Variants in NCF2 observed in about 807,000 individuals in gnomAD.
NCF2 encodes neutrophil cytosol factor 2.
In NCF2, 45 loss-of-function variants were observed where a neutral mutation model predicts 70.9. The observed-to-expected ratio is 0.63, with a 90% CI of 0.50 to 0.81. The LOEUF is 0.81. NCF2 is among the 40% of genes least tolerant of loss of function. NCF2 has a pLI of 0.00. For missense variants in NCF2, 522 were observed against 631.6 expected, an observed-to-expected ratio of 0.83 and a Z score of 1.86; for synonymous variants, 203 against 233.6, an observed-to-expected ratio of 0.87 and a Z score of 1.19.
chr1:183,569,282 G>T, intron 6 of NCF2, 97 bp from the exon 7 acceptor site: 1 of 1,150,344 alleles, frequency 8.7e-7, no homozygotes, highest in Non-Finnish European at 1.3e-6. Flanking sequence ...CATTCTTCCA[G>T]ACCAGAAAAT....
At chr1:183,572,801 T>G (rs1371388994) in intron 5 of NCF2, among the ~76,000 whole-genome samples, 1 of 152,020 alleles carries the variant, frequency 6.6e-6, no homozygotes, top group African/African-American at 2.4e-5. Context: ...TGGCCTCAAG[T>G]GATCCTCCCA....
intron 14 of NCF2, among the ~76,000 whole-genome samples, chr1:183,558,955 G>A (rs1251989270): frequency 6.6e-6 from 1 of 152,212 alleles, no homozygotes; most frequent in African/African-American, 2.4e-5. Context: ...TGCATTGGTA[G>A]TGCACAGACT....
In NCF2 at chr1:183,556,098, T is replaced by G; in HGVS notation, c.*20A>C. ...GTAATAGGGCTTCATTTTCTTCAGC[T>G]TTGTAGTTTGTGAAACATCCTAGAC... On this transcript the variant is annotated 3_prime_UTR_variant, in exon 15 of 15. Transcript: ENST00000367535. The G allele has an allele frequency of 1.3e-6, 2 of 1,594,100 alleles. No homozygotes were observed.
At chr1:183,597,135 A>G in the NCF2 span, among the ~76,000 whole-genome samples, 1 of 152,220 alleles carries the variant, frequency 6.6e-6, no homozygotes, top group South Asian at 2.1e-4. Context: ...TGCATATCTT[A>G]GGAACTTTCC....
At chr1:183,575,244 T>C (rs1179082131) in intron 3 of NCF2, among the ~76,000 whole-genome samples, 1 of 151,932 alleles carries the variant, frequency 6.6e-6, no homozygotes, top group Non-Finnish European at 1.5e-5. Context: ...CCAAGGCGGG[T>C]GAATCACTTG....
At chr1:183,587,133 C>T (rs1202568563) in intron 1 of NCF2, among the ~76,000 whole-genome samples, 156 bp from the exon 2 acceptor site, 1 of 152,208 alleles carries the variant, frequency 6.6e-6, no homozygotes, top group Non-Finnish European at 1.5e-5. Flanking sequence ...TCACGGTGCA[C>T]CCCACTTCGC....
At chr1:183,556,754 C>G (rs899851505) in intron 14 of NCF2, among the ~76,000 whole-genome samples, 1 of 152,144 alleles carries the variant, frequency 6.6e-6, no homozygotes, top group Non-Finnish European at 1.5e-5. Context: ...GTCTCAAACT[C>G]CTGGGCTCAA....
At position 183,580,775 on chromosome 1, in the gene NCF2, G is replaced by A. The variant is rs7531724; in HGVS notation, c.258-3068C>T. Among the ~76,000 whole-genome samples the A allele has an allele frequency of 2.3e-3, 348 of 152,228 alleles. 2 individuals carry two copies. Among genetic ancestry groups the A allele is most frequent in the African/African-American group, 7.8e-3 (324 of 41,524 alleles). On this transcript the variant is annotated intron_variant, in intron 2 of 14. Transcript: ENST00000367535. ...GCGGATCACTTGAGGTCAGGGGTTC[G>A]AGACCAGCCTGGCCAACATGGTGAA...
At chr1:183,581,762 G>A (rs928457069) in intron 2 of NCF2, among the ~76,000 whole-genome samples, 6 of 151,400 alleles carry the variant, frequency 4.0e-5, no homozygotes, top group South Asian at 4.2e-4. Context: ...TCCGCCTCCC[G>A]GTTCACGCCA....
upstream of NCF2, among the ~76,000 whole-genome samples, chr1:183,594,365 C>T (rs942789581): frequency 1.2e-4 from 18 of 152,136 alleles, no homozygotes; most frequent in African/African-American, 2.7e-4. Context: ...GTGATGATCA[C>T]GCCACTGCAT....
chr1:183,565,676 C>T, intron 10 of NCF2, 28 bp downstream of exon 10: 1 of 1,608,138 alleles, frequency 6.2e-7, no homozygotes, highest in South Asian at 1.1e-5. Context: ...TGCACCCAGA[C>T]CTAGGCTGTG....
At chr1:183,568,777 C>A (rs2102894339) in intron 7 of NCF2, among the ~76,000 whole-genome samples, 1 of 151,702 alleles carries the variant, frequency 6.6e-6, no homozygotes, top group South Asian at 2.1e-4. Flanking sequence ...ATCCTGGTCC[C>A]CAGGGTAGCT....
At chr1:183,569,957 C>G (rs1054865793) in intron 6 of NCF2, among the ~76,000 whole-genome samples, 1 of 152,240 alleles carries the variant, frequency 6.6e-6, no homozygotes, top group Non-Finnish European at 1.5e-5. Flanking sequence ...CTGTTCTACA[C>G]TGAATACCAT....
chr1:183,586,926 G>T lies in NCF2; in HGVS notation c.226C>A (p.Gln76Lys). The T allele has an allele frequency of 6.2e-7, 1 of 1,614,104 alleles. No homozygotes were observed. The highest frequency in any genetic ancestry group is 8.5e-7 in the Non-Finnish European group (1 of 1,179,976). The change falls in exon 2 of 15, where the codon CAA becomes AAA. Residue 76 changes from glutamine (Q) to lysine (K), a missense_variant. Coordinates refer to ENST00000367535, the MANE Select transcript of NCF2 (RefSeq NM_000433.4). ...RDKHLAVAYF[Q>K]RGMLYYQTEK... ...GTCTGGTAGTAGAGCATCCCTCGTT[G>T]GAAGTAAGCCACTGCCAAGTGCTTG...
At chr1:183,559,440 A>C (rs1019108092) in intron 14 of NCF2, among the ~76,000 whole-genome samples, 9 of 152,378 alleles carry the variant, frequency 5.9e-5, no homozygotes, top group African/African-American at 2.2e-4. Flanking sequence ...ACATTAATTC[A>C]AAGAACTATG....
chr1:183,559,603 A>G (rs35222366), intron 14 of NCF2, among the ~76,000 whole-genome samples: 34 of 152,270 alleles, frequency 2.2e-4, no homozygotes, highest in African/African-American at 8.2e-4. Context: ...TCATGCCTGT[A>G]ATCTCAGTAC....
upstream of NCF2, among the ~76,000 whole-genome samples, chr1:183,593,686 TAC>T (rs1480508069): frequency 1.3e-5 from 2 of 152,254 alleles, no homozygotes; most frequent in Non-Finnish European, 2.9e-5. Flanking sequence ...ATGTATTTGT[TAC>T]AGTTTGTAAC....
Position 183,563,605 on chromosome 1 carries a change from A to T in NCF2, c.1027-20T>A. 5.0e-6 allele frequency: 8 copies of T among 1,612,614 alleles called. No individual in the cohort carries two copies. The highest frequency in any genetic ancestry group is 6.8e-6 in the Non-Finnish European group (8 of 1,179,972). ...CACTTCCTGAGTGGGGAGGAAACAA[A>T]GGGAACTCCTGAGTGTCTGAGGCTT... On this transcript the variant is annotated intron_variant, in intron 11 of 14. Coordinates refer to ENST00000367535, the MANE Select transcript of NCF2 (RefSeq NM_000433.4).
the NCF2 span, chr1:183,598,086 A>T: frequency 6.6e-6 from 1 of 152,414 alleles, no homozygotes; most frequent in Admixed American, 6.5e-5. Context: ...CGGAAAGCAG[A>T]GGAAGCCAGA....
Sources: gnomAD v4.1 joint callset for allele counts (sites outside exome capture counted in the v4.1 genomes callset) on GRCh38, gnomAD v4.1.1 for gene constraint, MANE v1.5 for transcripts, NCBI Gene and HGNC (gene_info 2026-07-23, HGNC 2026-07-21) for gene names.